CCR9: variants seen among roughly 807,000 people sequenced by gnomAD.
The protein encoded by CCR9 is C-C motif chemokine receptor 9.
CCR9 carries 4 observed loss-of-function variants against 8.7 expected under a neutral mutation model. That is an observed-to-expected ratio of 0.46 (90% confidence interval 0.23 to 1.06). The LOEUF is 1.06. Ranked by LOEUF, CCR9 falls within the 50% of genes least tolerant of loss-of-function variation. CCR9 has a pLI of 0.21. For missense variants in CCR9, 394 were observed against 453.6 expected, an observed-to-expected ratio of 0.87 and a Z score of 1.19; for synonymous variants, 159 against 168.8, an observed-to-expected ratio of 0.94 and a Z score of 0.45.
chr3:45,890,790 G>C (rs542331508), intron 1 of CCR9, among the ~76,000 whole-genome samples: 5 of 152,312 alleles, frequency 3.3e-5, no homozygotes, highest in African/African-American at 9.6e-5. Context: ...GTTAGAAGCA[G>C]GTGAATTGCC....
intron 1 of CCR9, among the ~76,000 whole-genome samples, chr3:45,893,446 T>C (rs959061802): frequency 6.6e-6 from 1 of 152,170 alleles, no homozygotes; most frequent in South Asian, 2.1e-4. Flanking sequence ...TAAGCCACCA[T>C]GCCCAGCCAC....
intron 1 of CCR9, among the ~76,000 whole-genome samples, chr3:45,890,958 C>T (rs1702161440): frequency 6.6e-6 from 1 of 152,166 alleles, no homozygotes; most frequent in Non-Finnish European, 1.5e-5. Context: ...TGTACGAATG[C>T]ATAGAAACAC....
At position 45,901,913 on chromosome 3, in the gene CCR9, G is replaced by A; in HGVS notation, c.*15G>A. 6.5e-7 allele frequency: 1 copy of A among 1,546,256 alleles called. No individual in the cohort carries two copies. Among genetic ancestry groups the A allele is most frequent in the Non-Finnish European group, 8.7e-7 (1 of 1,145,790 alleles). ...TCTCCCTCTGAGGGGTCTTCTCTGA[G>A]GTGCATGGTTCTTTTGGAAGAAATG... On this transcript the variant is annotated 3_prime_UTR_variant, in exon 3 of 3. Coordinates refer to ENST00000357632, the MANE Select transcript of CCR9 (RefSeq NM_031200.3). This position sits in a 1 kb window ranked among gnomAD's most constrained non-coding sequence, Gnocchi z 4.3.
chr3:45,889,678 CTTT>C (rs1197563518), intron 1 of CCR9, among the ~76,000 whole-genome samples: 1 of 150,972 alleles, frequency 6.6e-6, no homozygotes, highest in Non-Finnish European at 1.5e-5. Context: ...CAGTGTATGT[CTTT>C]TTCTATTTTT....
Position 45,901,447 on chromosome 3 carries a change from T to G in CCR9, c.659T>G (p.Ile220Ser), listed in dbSNP as rs1318849770. 3 of 1,614,174 alleles carry G rather than the reference T, an allele frequency of 1.9e-6. No homozygotes were observed. The highest frequency in any genetic ancestry group is 1.3e-5 in the African/African-American group (1 of 75,040). Residue 220 changes from isoleucine (I) to serine (S), a missense_variant, in exon 3 of 3, where the codon ATT becomes AGT. Ile to Ser is a moderately radical substitution (Grantham distance 142). Transcript: ENST00000357632. The surrounding 1 kb of genome is among the most constrained non-coding windows in gnomAD (Gnocchi z 4.3). The stretch of plus-strand genomic sequence containing the variant: ...TCAGCTGTCTTGACCCTGAAGGTCA[T>G]TCTGGGGTTCTTCCTTCCCTTCGTG... The part of the protein sequence containing the change: ...LKSAVLTLKV[I>S]LGFFLPFVVM...
chr3:45,898,643 A>G (rs1034377627), intron 2 of CCR9, among the ~76,000 whole-genome samples: 10 of 152,230 alleles, frequency 6.6e-5, no homozygotes, highest in African/African-American at 2.2e-4. Context: ...TTGTCATCCA[A>G]GTTACCTTGG....
In CCR9 at chr3:45,901,831, G is replaced by A; in HGVS notation, c.1043G>A (p.Arg348Lys). 2 of 1,613,424 alleles carry A rather than the reference G, an allele frequency of 1.2e-6. No homozygotes were observed. The highest frequency in any genetic ancestry group is 1.7e-6 in the Non-Finnish European group (2 of 1,179,364). The change falls in exon 3 of 3, where the codon AGG becomes AAG. Residue 348 changes from arginine (R) to lysine (K), a missense_variant. By Grantham distance (26) the Arg-to-Lys change is conservative (BLOSUM62 2). Coordinates refer to ENST00000357632, the MANE Select transcript of CCR9 (RefSeq NM_031200.3). This position sits in a 1 kb window ranked among gnomAD's most constrained non-coding sequence, Gnocchi z 4.3. ...ISQAQWVSFT[R>K]REGSLKLSSM... is the part of the protein sequence containing the mutation. Reference sequence around the variant, plus strand: ...CAGGCCCAGTGGGTTTCATTTACAAGGAGAGAGGGAAGCTTGAAGCTGTCG... The same window carrying A: ...CAGGCCCAGTGGGTTTCATTTACAAAGAGAGAGGGAAGCTTGAAGCTGTCG...
At position 45,900,724 on chromosome 3, in the gene CCR9, AG is replaced by A. The variant is rs981540287; in HGVS notation, c.22-83del. On this transcript the variant is annotated intron_variant, in intron 2 of 2. Coordinates refer to ENST00000357632, the MANE Select transcript of CCR9 (RefSeq NM_031200.3). The surrounding 1 kb of genome is among the most constrained non-coding windows in gnomAD (Gnocchi z 4.7). ...CTTATCATAGGTGTTTGGGGTTGGA[AG>A]GGTCAAGAGGTCCATGCCTCTGCCA... 7.2e-6 allele frequency: 10 copies of A among 1,390,818 alleles called. No individual in the cohort carries two copies. Among genetic ancestry groups the A allele is most frequent in the Admixed American group, 6.3e-5 (3 of 47,440 alleles). The allele number at this position is 1,390,818 out of a possible 1,614,324, so 86.2% of individuals were successfully genotyped here.
chr3:45,899,470 AC>A (rs1368929206), intron 2 of CCR9, among the ~76,000 whole-genome samples: 1 of 152,262 alleles, frequency 6.6e-6, no homozygotes, highest in East Asian at 1.9e-4. Flanking sequence ...GTTAATATTA[AC>A]TGTTCAAAAC....
chr3:45,896,597 T>G (rs1488371), intron 2 of CCR9, among the ~76,000 whole-genome samples: 78,231 of 152,056 alleles, frequency 0.51, 23,302 homozygotes, highest in African/African-American at 0.82. Context: ...TTTGGAGGAA[T>G]AGCCCTTGAG....
chr3:45,891,170 G>A (rs1464292235), intron 1 of CCR9, among the ~76,000 whole-genome samples: 3 of 152,198 alleles, frequency 2.0e-5, no homozygotes, highest in African/African-American at 4.8e-5. Context: ...AGTGAAATTC[G>A]GTGAATGCCC....
chr3:45,887,723 C>T (rs1702025628), intron 1 of CCR9, among the ~76,000 whole-genome samples: 1 of 152,220 alleles, frequency 6.6e-6, no homozygotes, highest in Non-Finnish European at 1.5e-5. Context: ...TCTGAAGCCT[C>T]TTTGTGTAGG....
At position 45,900,923 on chromosome 3, in the gene CCR9, G is replaced by C. The variant is rs1702529856; in HGVS notation, c.135G>C (p.Gln45His). The part of the protein sequence containing the change: ...DFYCEKNNVR[Q>H]FASHFLPPLY... ...ACTGTGAGAAAAACAATGTCAGGCA[G>C]TTTGCGAGCCATTTCCTCCCACCCT... Residue 45 changes from glutamine to histidine, a missense_variant, in exon 3 of 3, where the codon CAG becomes CAC. Gln to His is a conservative substitution (Grantham distance 24, BLOSUM62 0). Transcript: ENST00000357632. The surrounding 1 kb of genome is among the most constrained non-coding windows in gnomAD (Gnocchi z 4.7). 1 of 1,614,070 alleles carries C rather than the reference G, an allele frequency of 6.2e-7. No individual in the cohort carries two copies. The highest frequency in any genetic ancestry group is 8.5e-7 in the Non-Finnish European group (1 of 1,180,042).
rs112755034 is a variant in CCR9, at chr3:45,900,469, C to T, written c.22-341C>T. On this transcript the variant is annotated intron_variant, in intron 2 of 2. Coordinates refer to ENST00000357632, the MANE Select transcript of CCR9 (RefSeq NM_031200.3). This position sits in a 1 kb window ranked among gnomAD's most constrained non-coding sequence, Gnocchi z 4.7. ...TCAGTAGTGTGGAGGCACTCTTACC[C>T]CATCAGAGCACTTGGCATGCACACT... is the stretch of plus-strand genomic sequence containing the variant. Among the ~76,000 whole-genome samples the T allele has an allele frequency of 2.6e-3, 402 of 152,200 alleles. 7 individuals are homozygous for T. The highest frequency in any genetic ancestry group is 0.02 in the Middle Eastern group (6 of 294).
In CCR9 at chr3:45,899,220, C is replaced by T. The variant is rs59028610; in HGVS notation, c.22-1590C>T. ...GTTTTGTAGGACTTTTCAGATCCTT[C>T]AATGTGCTCAGGAGTATTGTGAATT... On this transcript the variant is annotated intron_variant, in intron 2 of 2. Transcript: ENST00000357632. Among the ~76,000 whole-genome samples, 916 of 152,310 alleles carry T rather than the reference C, an allele frequency of 6.0e-3. 10 individuals carry two copies. The highest frequency in any genetic ancestry group is 0.02 in the African/African-American group (840 of 41,564).
intron 2 of CCR9, chr3:45,897,707 G>A (rs1021401242): frequency 3.3e-5 from 36 of 1,085,224 alleles, no homozygotes; most frequent in Middle Eastern, 2.0e-4. Flanking sequence ...AACCAAAGTC[G>A]TCCCTTGTGC....
chr3:45,901,831 G>C lies in CCR9; in HGVS notation c.1043G>C (p.Arg348Thr). 6.2e-7 allele frequency: 1 copy of C among 1,613,424 alleles called. No homozygotes were observed. Among genetic ancestry groups the C allele is most frequent in the Non-Finnish European group, 8.5e-7 (1 of 1,179,364 alleles). The change falls in exon 3 of 3, where the codon AGG (arginine) becomes ACG (threonine). Residue 348 changes from arginine to threonine, a missense_variant. Coordinates refer to ENST00000357632, the MANE Select transcript of CCR9 (RefSeq NM_031200.3). The surrounding 1 kb of genome is among the most constrained non-coding windows in gnomAD (Gnocchi z 4.3). The part of the protein sequence containing the change: ...ISQAQWVSFT[R>T]REGSLKLSSM... ...CAGGCCCAGTGGGTTTCATTTACAAGGAGAGAGGGAAGCTTGAAGCTGTCG... is the reference window on the plus strand; with the variant it reads ...CAGGCCCAGTGGGTTTCATTTACAACGAGAGAGGGAAGCTTGAAGCTGTCG...
intron 1 of CCR9, among the ~76,000 whole-genome samples, chr3:45,894,155 GA>G (rs1702275700): frequency 6.6e-6 from 1 of 152,188 alleles, no homozygotes; most frequent in Non-Finnish European, 1.5e-5. Flanking sequence ...GGGCTTTAAA[GA>G]AATTCAAAAC....
intron 1 of CCR9, among the ~76,000 whole-genome samples, chr3:45,887,875 G>T (rs915934414): frequency 6.6e-6 from 1 of 151,416 alleles, no homozygotes; most frequent in Non-Finnish European, 1.5e-5. Flanking sequence ...GGAACAAAAA[G>T]CAGAGCTATG....
Sources: allele counts gnomAD v4.1 joint callset (sites outside exome capture counted in the v4.1 genomes callset), GRCh38; gene constraint gnomAD v4.1.1; non-coding constraint Gnocchi (gnomAD v3.1); transcripts MANE v1.5; gene names NCBI Gene and HGNC (gene_info 2026-07-23, HGNC 2026-07-21).